Variants in PRKDC observed in about 807,000 individuals in gnomAD.
PRKDC encodes the protein DNA-dependent protein kinase catalytic subunit.
Under a neutral mutation model 486.9 loss-of-function variants are expected in PRKDC, and 82 were observed. That is an observed-to-expected ratio of 0.17 (90% CI 0.14 to 0.20). The LOEUF is 0.20. Among genes scored for constraint, PRKDC ranks in the 10% least tolerant of loss-of-function variants. PRKDC has a pLI of 1.00. For missense variants in PRKDC, 4,504 were observed against 5,038.2 expected, an observed-to-expected ratio of 0.89 and a Z score of 3.21; for synonymous variants, 1,895 against 1,837.0, an observed-to-expected ratio of 1.03 and a Z score of -0.81.
intron 68 of PRKDC, among the ~76,000 whole-genome samples, chr8:47,811,257 C>T (rs1028524428): frequency 6.6e-6 from 1 of 152,114 alleles, no homozygotes; most frequent in Non-Finnish European, 1.5e-5. Context: ...GACACAGCAG[C>T]CAAAAGATAC....
At chr8:47,778,275 C>T (rs901082199) in intron 83 of PRKDC, among the ~76,000 whole-genome samples, 184 bp downstream of exon 83, 3 of 152,236 alleles carry the variant, frequency 2.0e-5, no homozygotes, top group African/African-American at 7.2e-5. Flanking sequence ...ATCACCATGA[C>T]TTCTGTGACC....
intron 39 of PRKDC, 36 bp downstream of exon 39, chr8:47,879,453 CAG>C (rs910153762): frequency 8.1e-5 from 117 of 1,451,912 alleles, no homozygotes; most frequent in Non-Finnish European, 1.1e-4. Context: ...AAAAAAAAAA[CAG>C]TGTTTTAATT....
intron 61 of PRKDC, among the ~76,000 whole-genome samples, chr8:47,829,289 A>G (rs569350849): frequency 9.8e-5 from 15 of 152,344 alleles, no homozygotes; most frequent in African/African-American, 3.4e-4. Flanking sequence ...CAATATAATG[A>G]TAATCCATTT....
intron 36 of PRKDC, among the ~76,000 whole-genome samples, chr8:47,883,025 G>A (rs147556020): frequency 0.013 from 1,911 of 152,296 alleles, 46 homozygotes; most frequent in African/African-American, 0.041. Context: ...GCCTCTGTGC[G>A]GGGCCGACAT....
Position 47,821,316 on chromosome 8 carries a change from G to C in PRKDC, c.9111+288C>G, listed in dbSNP as rs536633969. Among the ~76,000 whole-genome samples, 4 of 152,248 alleles carry C rather than the reference G, an allele frequency of 2.6e-5. No homozygotes were observed. The South Asian group carries it at 8.3e-4, about 32-fold the overall frequency. ...AGGCCTGTGTTTAGCCAGTGATCCG[G>C]GGCGACTTCTTGTAATATAAGAGAC... On this transcript the variant is annotated intron_variant, in intron 65 of 85. Transcript: ENST00000314191.
At chr8:47,904,235 T>C (rs2089732871) in intron 26 of PRKDC, among the ~76,000 whole-genome samples, 2 of 152,208 alleles carry the variant, frequency 1.3e-5, no homozygotes, top group South Asian at 2.1e-4. Context: ...TAGGAGAAAA[T>C]TGGATATACT....
Position 47,881,486 on chromosome 8 carries a change from C to A in PRKDC, c.4997G>T (p.Gly1666Val), listed in dbSNP as rs912660835. The change falls in exon 38 of 86, where the codon GGT becomes GTT. Residue 1666 changes from glycine to valine, a missense_variant. By Grantham distance (109) the Gly-to-Val change is moderately radical. Around this residue, in one of 6 missense-constraint regions of PRKDC, gnomAD observed 1,969 missense variants for 2,068.9 expected, o/e 0.95. Transcript: ENST00000314191. ...TGTTGTAAAGACTTCAGGGAATGAA[C>A]CATGACTTGTATTAAAAGATACAGA... Reference protein sequence around the residue: ...DSSVSFNTSHGSFPEVFTTYI... With the variant: ...DSSVSFNTSHVSFPEVFTTYI... 3.2e-6 allele frequency: 5 copies of A among 1,568,766 alleles called. No individual in the cohort carries two copies. Among genetic ancestry groups the A allele is most frequent in the African/African-American group, 2.7e-5 (2 of 73,656 alleles).
intron 63 of PRKDC, 29 bp downstream of exon 63, chr8:47,826,627 C>T (rs370631468): frequency 4.4e-6 from 7 of 1,586,512 alleles, no homozygotes; most frequent in Non-Finnish European, 6.0e-6. Flanking sequence ...ATCCAGTGTG[C>T]TCCCAAGAGC....
chr8:47,927,759 G>C lies in PRKDC; in HGVS notation c.2259+12C>G. The C allele has an allele frequency of 6.6e-7, 1 of 1,512,738 alleles. No individual in the cohort carries two copies. The highest frequency in any genetic ancestry group is 2.4e-5 in the East Asian group (1 of 41,932). 93.7% of individuals were successfully genotyped at this position (1,512,738 alleles called of 1,614,324 possible). ...GCGATGAAGAGATGGCTCTGTTCAA[G>C]ACAACGCCTACCTGCAGTGCAGGAA... On this transcript the variant is annotated intron_variant, in intron 20 of 85. Coordinates refer to ENST00000314191, the MANE Select transcript of PRKDC (RefSeq NM_006904.7).
intron 40 of PRKDC, among the ~76,000 whole-genome samples, chr8:47,875,495 TA>T (rs1426219936): frequency 1.3e-5 from 2 of 152,338 alleles, no homozygotes; most frequent in African/African-American, 2.4e-5. Flanking sequence ...GATTTTAAGG[TA>T]AAAAGTTCAG....
Position 47,934,020 on chromosome 8 carries a change from G to A in PRKDC, c.1568C>T (p.Thr523Ile). ...EVRTGKWKVP[T>I]YKDYVDLFRH... ...GAAGAGATCCACGTAGTCTTTGTAT[G>A]TGGGCACCTTCCATTTGCCAGTTCT... Residue 523 changes from threonine to isoleucine, a missense_variant, in exon 15 of 86, where the codon ACA becomes ATA. Coordinates refer to ENST00000314191, the MANE Select transcript of PRKDC (RefSeq NM_006904.7). 6.2e-7 allele frequency: 1 copy of A among 1,613,738 alleles called. No homozygotes were observed. Among genetic ancestry groups the A allele is most frequent in the Non-Finnish European group, 8.5e-7 (1 of 1,179,806 alleles).
intron 7 of PRKDC, among the ~76,000 whole-genome samples, chr8:47,952,894 C>A (rs2090648545): frequency 6.6e-6 from 1 of 151,868 alleles, no homozygotes; most frequent in South Asian, 2.1e-4. Context: ...AATCCCAGCA[C>A]TTTGGGAGGC....
intron 41 of PRKDC, 21 bp downstream of exon 41, chr8:47,864,535 C>T (rs1409532978): frequency 2.1e-5 from 34 of 1,586,686 alleles, no homozygotes; most frequent in Non-Finnish European, 2.9e-5. Context: ...CTTCTTATTA[C>T]TGATTTAAGG....
rs748359926 is a variant in PRKDC, at chr8:47,800,821, G to C, written c.10088C>G (p.Ser3363Cys). 1 of 1,611,840 alleles carries C rather than the reference G, an allele frequency of 6.2e-7. No homozygotes were observed. Among genetic ancestry groups the C allele is most frequent in the South Asian group, 1.1e-5 (1 of 90,514 alleles). The change falls in exon 71 of 86, where the codon TCT becomes TGT. Residue 3363 changes from serine to cysteine, a missense_variant. Physicochemically the swap from Ser to Cys is moderately radical, Grantham distance 112 (BLOSUM62 -1). Around this residue, in one of 6 missense-constraint regions of PRKDC, gnomAD observed 1,592 missense variants for 1,724.6 expected, o/e 0.92. Coordinates refer to ENST00000314191, the MANE Select transcript of PRKDC (RefSeq NM_006904.7). Reference protein sequence around the residue: ...EDKARRILELSGSSSEDSEKV... With the variant: ...EDKARRILELCGSSSEDSEKV... The stretch of plus-strand genomic sequence containing the variant: ...CTCTGAATCCTCTGAACTGGATCCA[G>C]AAAGCTCTAAGATTCTTCTAGCCTT...
At chr8:47,955,760 G>T in intron 4 of PRKDC, 114 bp downstream of exon 4, 2 of 792,426 alleles carry the variant, frequency 2.5e-6, no homozygotes, top group South Asian at 1.9e-5. Flanking sequence ...ACATCAATGT[G>T]ATTAGATCCT....
intron 68 of PRKDC, among the ~76,000 whole-genome samples, chr8:47,816,275 G>A (rs1356107203): frequency 6.6e-6 from 1 of 152,100 alleles, no homozygotes; most frequent in Non-Finnish European, 1.5e-5. Flanking sequence ...TTGCTAGCCT[G>A]AGAAGTATTC....
chr8:47,871,590 T>A (rs532066733), intron 40 of PRKDC, among the ~76,000 whole-genome samples: 5 of 152,154 alleles, frequency 3.3e-5, no homozygotes, highest in African/African-American at 1.2e-4. Context: ...AGGAGTTTTT[T>A]TTGTTGTTGT....
chr8:47,866,759 CA>C (rs1454142646), intron 40 of PRKDC, among the ~76,000 whole-genome samples: 1 of 152,040 alleles, frequency 6.6e-6, no homozygotes. Flanking sequence ...AATACAGCCC[CA>C]AAAGAAGCAA....
intron 18 of PRKDC, 122 bp downstream of exon 18, chr8:47,929,731 C>G (rs764749721): frequency 4.4e-6 from 5 of 1,130,644 alleles, no homozygotes; most frequent in Non-Finnish European, 6.0e-6. Context: ...TTTTTAAACA[C>G]ATAGAATAAA....
Sources: allele counts gnomAD v4.1 joint callset (sites outside exome capture counted in the v4.1 genomes callset), GRCh38; gene constraint gnomAD v4.1.1; regional missense constraint gnomAD v4.1.1; transcripts MANE v1.5; gene names NCBI Gene and HGNC (gene_info 2026-07-23, HGNC 2026-07-21).